The following UNKL variants were observed in gnomAD, a reference collection of about 807,000 sequenced individuals.
The protein encoded by UNKL is putative E3 ubiquitin-protein ligase UNKL.
A neutral mutation model predicts 78.0 loss-of-function variants in UNKL; 60 were observed. The ratio of observed to expected loss-of-function variants is 0.77; its 90% confidence interval spans 0.63 to 0.95. The LOEUF is 0.95. UNKL is among the 40% of genes least tolerant of loss of function. UNKL has a pLI of 0.00. For synonymous variants in UNKL, 608 were observed against 474.8 expected, an observed-to-expected ratio of 1.28 and a Z score of -3.65; for missense variants, 1,159 against 1,045.7, an observed-to-expected ratio of 1.11 and a Z score of -1.49.
chr16:1,406,216 T>C, intron 2 of UNKL: 1 of 235,992 alleles, frequency 4.2e-6, no homozygotes, highest in Non-Finnish European at 7.7e-6. Flanking sequence ...GCTATATTGC[T>C]AATTTTTTTT....
chr16:1,381,341 C>T (rs149282963), intron 10 of UNKL, among the ~76,000 whole-genome samples: 2 of 152,132 alleles, frequency 1.3e-5, no homozygotes, highest in African/African-American at 2.4e-5. Flanking sequence ...AATAAGTGAC[C>T]GGGTGTGGTG....
intron 6 of UNKL, among the ~76,000 whole-genome samples, chr16:1,395,355 A>G (rs1349001583): frequency 6.8e-6 from 1 of 147,692 alleles, no homozygotes; most frequent in East Asian, 2.0e-4. Flanking sequence ...TTTAGTAGAG[A>G]CGGGTTCACC....
intron 10 of UNKL, chr16:1,379,511 C>T: frequency 1.0e-6 from 1 of 985,378 alleles, no homozygotes; most frequent in Non-Finnish European, 1.2e-6. Flanking sequence ...TCACACCCGG[C>T]TCCGTGACGC....
intron 11 of UNKL, 123 bp downstream of exon 11, chr16:1,371,396 T>G: frequency 2.2e-6 from 2 of 905,402 alleles, no homozygotes; most frequent in Non-Finnish European, 3.4e-6. Context: ...CAGGCAGGAG[T>G]GCAGTGGTGC....
chr16:1,388,601 T>G (rs1406024583), intron 9 of UNKL, among the ~76,000 whole-genome samples: 1 of 152,088 alleles, frequency 6.6e-6, no homozygotes, highest in Non-Finnish European at 1.5e-5. Context: ...AACATCCATG[T>G]CACTCCTTGT....
chr16:1,369,055 G>GTTTTT lies in UNKL; in HGVS notation c.1585+1070_1585+1074dup, dbSNP rs1218071522. Among the ~76,000 whole-genome samples, 218 of 53,722 alleles carry GTTTTT rather than the reference G, an allele frequency of 4.1e-3. 23 individuals carry two copies. Among genetic ancestry groups the GTTTTT allele is most frequent in the Non-Finnish European group, 5.2e-3 (161 of 30,988 alleles). The allele number at this position is 53,722 out of a possible 152,430, so 35.2% of individuals were successfully genotyped here. A position where few individuals can be genotyped will look rare whatever the true frequency, so the allele number is the denominator to read the frequency against. On this transcript the variant is annotated intron_variant, in intron 12 of 14. Coordinates refer to ENST00000389221, the MANE Select transcript of UNKL (RefSeq NM_001372107.1). ...GCCACTATGTTGGCCCAAAGTATTA[G>GTTTTT]TTTTTTTTTTTTTTTTTTTTTTTTT...
intron 2 of UNKL, among the ~76,000 whole-genome samples, chr16:1,413,243 CAAAAAAAA>C (rs546295462): frequency 5.6e-5 from 4 of 71,664 alleles, no homozygotes; most frequent in Non-Finnish European, 7.9e-5. Flanking sequence ...GACCCTGTCT[CAAAAAAAA>C]AAAAAAAAAA....
chr16:1,408,292 C>T (rs1345155534), intron 2 of UNKL, among the ~76,000 whole-genome samples: 2 of 152,108 alleles, frequency 1.3e-5, no homozygotes, highest in Admixed American at 6.5e-5. Context: ...ACGGTTCCCA[C>T]GGGGGCGGGG....
intron 10 of UNKL, among the ~76,000 whole-genome samples, chr16:1,379,874 G>A (rs1191285807): frequency 6.6e-5 from 10 of 152,166 alleles, no homozygotes; most frequent in South Asian, 2.1e-4. Flanking sequence ...GGGGCCAGAG[G>A]TCTTCAGGCA....
intron 2 of UNKL, among the ~76,000 whole-genome samples, chr16:1,410,614 G>A (rs1006248124): frequency 6.6e-6 from 1 of 152,152 alleles, no homozygotes; most frequent in Non-Finnish European, 1.5e-5. Flanking sequence ...TCAGTGCCCT[G>A]TATTCAACAC....
Position 1,407,369 on chromosome 16 carries a change from CG to C in UNKL, c.288-4026del, listed in dbSNP as rs1348323648. ...GGCCTGGGGAGGCGCACAGGGCAAGCGGGAAGTGTCAGGTCTGTCAGGTGAC... is the reference window on the plus strand; with the variant it reads ...GGCCTGGGGAGGCGCACAGGGCAAGCGGAAGTGTCAGGTCTGTCAGGTGAC... On this transcript the variant is annotated intron_variant, in intron 2 of 14. Transcript: ENST00000389221. 2.0e-5 allele frequency: 3 copies of C among 152,214 alleles called. No homozygotes were observed. The East Asian group carries it at 5.8e-4, about 29-fold the overall frequency. The allele number at this position is 152,214 out of a possible 1,614,324, so 9.4% of individuals were successfully genotyped here.
rs1419929515 is a variant in UNKL, at chr16:1,370,190, G to A, written c.1525C>T (p.Pro509Ser). The change falls in exon 12 of 15, where the codon CCA becomes TCA. Residue 509 changes from proline (P) to serine (S), a missense_variant. Coordinates refer to ENST00000389221, the MANE Select transcript of UNKL (RefSeq NM_001372107.1). ...SSAMTPPQQPPPLRSEPGTLG... is the reference protein window; with the variant it reads ...SSAMTPPQQPSPLRSEPGTLG... ...GTGCCCGGCTCTGAACGCAGGGGTGGCGGCTGCTGGGGAGGCGTCATGGCT... is the reference window on the plus strand; with the variant it reads ...GTGCCCGGCTCTGAACGCAGGGGTGACGGCTGCTGGGGAGGCGTCATGGCT... The A allele has an allele frequency of 6.6e-7, 1 of 1,520,206 alleles. No homozygotes were observed. The highest frequency in any genetic ancestry group is 2.1e-5 in the Admixed American group (1 of 48,704). 94.2% of individuals were successfully genotyped at this position (1,520,206 alleles called of 1,614,324 possible).
At chr16:1,392,171 C>T (rs1160832668) in intron 8 of UNKL, among the ~76,000 whole-genome samples, 1 of 152,160 alleles carries the variant, frequency 6.6e-6, no homozygotes, top group African/African-American at 2.4e-5. Flanking sequence ...CAGAGTGTGC[C>T]ACCCCAAAAC....
chr16:1,371,759 AC>A, intron 10 of UNKL, 148 bp from the exon 11 acceptor site: 3 of 792,632 alleles, frequency 3.8e-6, no homozygotes, highest in Admixed American at 2.9e-5. Context: ...AGGGAAGGAC[AC>A]CCCCAGCCCG....
intron 5 of UNKL, among the ~76,000 whole-genome samples, chr16:1,397,971 G>A (rs1400212265): frequency 1.3e-5 from 2 of 152,254 alleles, no homozygotes; most frequent in Non-Finnish European, 2.9e-5. Flanking sequence ...CCCGGCCAGT[G>A]CCAGGATGGG....
At chr16:1,394,540 A>C (rs1294250187) in intron 6 of UNKL, 2 of 528,314 alleles carry the variant, frequency 3.8e-6, no homozygotes, top group South Asian at 1.5e-5. Context: ...GCAGGTGCCT[A>C]ATAAGTGCCT....
At chr16:1,369,982 G>T in intron 12 of UNKL, 148 bp downstream of exon 12, 5 of 1,550,852 alleles carry the variant, frequency 3.2e-6, no homozygotes, top group Non-Finnish European at 4.4e-6. Context: ...CTGCGGCGTG[G>T]GGGAACCTGT....
rs761838666 is a variant in UNKL at position 1,392,842 on chromosome 16, A to G, written c.1023+49T>C. 4.5e-6 allele frequency: 7 copies of G among 1,545,944 alleles called. No individual in the cohort carries two copies. In the South Asian group the frequency reaches 7.1e-5, roughly 16 times the overall value. On this transcript the variant is annotated intron_variant, in intron 8 of 14. Transcript: ENST00000389221. ...ATCCATCCACATCCCTAAGAGTTCA[A>G]TTAAACCAAAGGACACTGGGCATTG...
Position 1,399,657 on chromosome 16 carries a change from C to G in UNKL, c.599-148G>C. 8.2e-7 allele frequency: 1 copy of G among 1,220,232 alleles called. No individual in the cohort carries two copies. The highest frequency in any genetic ancestry group is 1.1e-6 in the Non-Finnish European group (1 of 879,346). The allele number at this position is 1,220,232 out of a possible 1,614,324, so 75.6% of individuals were successfully genotyped here. ...GCGCAGACACACGCCACGGCACACG[C>G]TGATGTCAAAGGACTCGCGCTCCAT... is the stretch of plus-strand genomic sequence containing the variant. On this transcript the variant is annotated intron_variant, in intron 4 of 14. Transcript: ENST00000389221. The surrounding 1 kb of genome is among the most constrained non-coding windows in gnomAD (Gnocchi z 5.8).
Sources: gnomAD v4.1 joint callset for allele counts (sites outside exome capture counted in the v4.1 genomes callset) on GRCh38, gnomAD v4.1.1 for gene constraint, Gnocchi (gnomAD v3.1) non-coding constraint, MANE v1.5 for transcripts, NCBI Gene and HGNC (gene_info 2026-07-23, HGNC 2026-07-21) for gene names.